PCDH11X: variants seen among roughly 807,000 people sequenced by gnomAD.
The protein encoded by PCDH11X is protocadherin 11 X-linked, also known as protocadherin-11 X-linked.
In PCDH11X, 18 loss-of-function variants were observed where a neutral mutation model predicts 53.3. That is an observed-to-expected ratio of 0.34 (90% CI 0.23 to 0.50). The LOEUF is 0.50. PCDH11X is among the 20% of genes least tolerant of loss of function. The pLI is 0.98. For missense variants in PCDH11X, 570 were observed against 1,032.4 expected, an observed-to-expected ratio of 0.55 and a Z score of 6.14; for synonymous variants, 279 against 393.3, an observed-to-expected ratio of 0.71 and a Z score of 3.44.
chrX:92,105,634 G>C (rs1390598426), intron 6 of PCDH11X, among the ~76,000 whole-genome samples: 1 of 106,674 alleles, frequency 9.4e-6, no homozygotes, highest in Non-Finnish European at 1.9e-5. Context: ...GGGTAGGAGT[G>C]GGGGTCGCAA....
At chrX:91,790,465 C>A (rs761079199) in intron 1 of PCDH11X, among the ~76,000 whole-genome samples, 216 of 112,237 alleles carry the variant, frequency 1.9e-3, no homozygotes, top group African/African-American at 6.7e-3. Context: ...GCTAATCATT[C>A]AGATTTTAGA....
intron 7 of PCDH11X, among the ~76,000 whole-genome samples, chrX:92,253,986 G>A (rs766909491): frequency 2.7e-5 from 3 of 111,733 alleles, no homozygotes; most frequent in African/African-American, 9.8e-5. Context: ...AATAACAGTG[G>A]TGAAAATTGG....
chrX:92,228,773 GA>G (rs761344940), intron 7 of PCDH11X, among the ~76,000 whole-genome samples: 8 of 111,782 alleles, frequency 7.2e-5, no homozygotes, highest in African/African-American at 2.3e-4. Flanking sequence ...TGATGTGAAA[GA>G]AAGGACATTA....
chrX:92,575,835 C>T (rs1171231228), intron 10 of PCDH11X, among the ~76,000 whole-genome samples: 15 of 94,639 alleles, frequency 1.6e-4, no homozygotes, highest in Non-Finnish European at 2.7e-4. Context: ...AAGCTTGTGA[C>T]TCCTAGTATC....
At chrX:92,102,591 T>C (rs1389055528) in intron 6 of PCDH11X, among the ~76,000 whole-genome samples, 1 of 111,872 alleles carries the variant, frequency 8.9e-6, no homozygotes, top group Non-Finnish European at 1.9e-5. Context: ...ACTGAAGTAA[T>C]GGGGGCTGTC....
intron 6 of PCDH11X, among the ~76,000 whole-genome samples, chrX:92,026,212 C>A (rs2062967104): frequency 9.1e-6 from 1 of 110,298 alleles, no homozygotes; most frequent in Non-Finnish European, 1.9e-5. Flanking sequence ...AAGAAAAAAT[C>A]AAAAGAAGGA....
intron 6 of PCDH11X, among the ~76,000 whole-genome samples, chrX:92,069,148 G>A (rs1236691093): frequency 9.1e-6 from 1 of 110,260 alleles, no homozygotes; most frequent in Non-Finnish European, 1.9e-5. Flanking sequence ...ACATGTCTTG[G>A]TGTGCCAGTG....
At chrX:92,564,036 A>T (rs1167073621) in intron 10 of PCDH11X, among the ~76,000 whole-genome samples, 1 of 109,911 alleles carries the variant, frequency 9.1e-6, no homozygotes, top group South Asian at 3.9e-4. Flanking sequence ...GCCACAAGTA[A>T]AATTAAATAT....
intron 6 of PCDH11X, among the ~76,000 whole-genome samples, chrX:91,954,910 T>C (rs1485288705): frequency 1.8e-5 from 2 of 108,700 alleles, no homozygotes; most frequent in Admixed American, 9.7e-5. Flanking sequence ...TTCTGTAGGT[T>C]GTCTCTGTTG....
intron 8 of PCDH11X, among the ~76,000 whole-genome samples, chrX:92,313,706 C>T (rs185885208): frequency 1.5e-4 from 17 of 110,669 alleles, no homozygotes; most frequent in African/African-American, 4.9e-4. Flanking sequence ...TACTACACAC[C>T]TAAGCTGTAT....
intron 8 of PCDH11X, among the ~76,000 whole-genome samples, chrX:92,281,671 G>T (rs1195776871): frequency 9.0e-6 from 1 of 111,539 alleles, no homozygotes; most frequent in East Asian, 2.8e-4. Flanking sequence ...TTGTCACATG[G>T]CTTCTTTCCA....
chrX:92,412,550 TATATAG>T (rs1382763168), intron 9 of PCDH11X, among the ~76,000 whole-genome samples: 39 of 69,305 alleles, frequency 5.6e-4, no homozygotes, highest in Non-Finnish European at 7.1e-4. Context: ...TATATATATA[TATATAG>T]ATAAAGAGGT....
intron 6 of PCDH11X, among the ~76,000 whole-genome samples, chrX:92,200,088 C>G (rs1003605962): frequency 2.7e-5 from 3 of 111,033 alleles, no homozygotes; most frequent in Non-Finnish European, 1.9e-5. Flanking sequence ...AATGCCTGTT[C>G]ATATCTTTTG....
chrX:92,537,614 C>G (rs1449758262), intron 10 of PCDH11X, among the ~76,000 whole-genome samples: 4 of 101,188 alleles, frequency 4.0e-5, no homozygotes, highest in African/African-American at 1.4e-4. Context: ...GAAATTATAC[C>G]ACAGAGATAT....
At chrX:91,995,912 C>T (rs1385851389) in intron 6 of PCDH11X, among the ~76,000 whole-genome samples, 3 of 103,853 alleles carry the variant, frequency 2.9e-5, no homozygotes, top group East Asian at 6.1e-4. Flanking sequence ...TGCAGTGGCG[C>T]GATCTTGGCT....
chrX:92,590,098 A>G (rs1924872047), intron 10 of PCDH11X, among the ~76,000 whole-genome samples: 2 of 108,035 alleles, frequency 1.9e-5, no homozygotes, highest in Admixed American at 1.0e-4. Context: ...CTGCAAGAGG[A>G]CAGCTATGAC....
intron 9 of PCDH11X, among the ~76,000 whole-genome samples, chrX:92,400,309 A>C: frequency 9.0e-6 from 1 of 111,669 alleles, no homozygotes; most frequent in Non-Finnish European, 1.9e-5. Flanking sequence ...CAAGCAGATT[A>C]AGAATTCTTC....
At chrX:92,036,210 T>C (rs1322433098) in intron 6 of PCDH11X, among the ~76,000 whole-genome samples, 1 of 106,301 alleles carries the variant, frequency 9.4e-6, no homozygotes, top group Non-Finnish European at 1.9e-5. Flanking sequence ...CTGATGCTCG[T>C]AGATGTTTGT....
chrX:91,921,265 T>A (rs1941728967), intron 6 of PCDH11X, among the ~76,000 whole-genome samples: 1 of 110,092 alleles, frequency 9.1e-6, no homozygotes, highest in East Asian at 2.9e-4. Flanking sequence ...ATTGTCAATA[T>A]CCCCCACCAG....
Sources: allele counts gnomAD v4.1 joint callset (sites outside exome capture counted in the v4.1 genomes callset), GRCh38; gene constraint gnomAD v4.1.1; transcripts MANE v1.5; gene names NCBI Gene and HGNC (gene_info 2026-07-23, HGNC 2026-07-21).